The following DNAH12 variants were observed in gnomAD, a reference collection of about 807,000 sequenced individuals.
DNAH12 encodes dynein axonemal heavy chain 12.
In DNAH12, 285 loss-of-function variants were observed where a neutral mutation model predicts 371.5. That is an observed-to-expected ratio of 0.77 (90% CI 0.70 to 0.85). The LOEUF is 0.85. Ranked by LOEUF, DNAH12 falls within the 40% of genes least tolerant of loss-of-function variation. DNAH12 has a pLI of 0.00. For synonymous variants in DNAH12, 1,200 were observed against 1,213.0 expected (o/e 0.99, Z 0.22); for missense variants, 3,611 against 3,689.4 (o/e 0.98, Z 0.55).
At chr3:57,529,476 G>A (rs1048049044) in intron 2 of DNAH12, among the ~76,000 whole-genome samples, 3 of 152,076 alleles carry the variant, frequency 2.0e-5, no homozygotes, top group Admixed American at 6.6e-5. Context: ...GGTTGTATTT[G>A]TCTACAAATG....
chr3:57,382,214 A>T (rs2063407546), intron 50 of DNAH12, 48 bp downstream of exon 50: 1 of 152,168 alleles, frequency 6.6e-6, no homozygotes, highest in African/African-American at 2.4e-5. Context: ...GCTGCTGACA[A>T]GTTCTATACA....
chr3:57,459,872 A>C (rs376950262), intron 19 of DNAH12, 86 bp from the exon 20 acceptor site: 12 of 1,108,860 alleles, frequency 1.1e-5, no homozygotes, highest in Non-Finnish European at 1.4e-5. Flanking sequence ...TAAATTTACT[A>C]TTATTTTTAA....
intron 65 of DNAH12, among the ~76,000 whole-genome samples, chr3:57,315,680 A>G (rs945538894): frequency 6.6e-6 from 1 of 152,048 alleles, no homozygotes; most frequent in Non-Finnish European, 1.5e-5. Flanking sequence ...CCCAGGAAGC[A>G]GGAAAGGAGT....
chr3:57,443,793 TTCTA>T (rs1030972483), intron 29 of DNAH12, among the ~76,000 whole-genome samples: 8 of 152,218 alleles, frequency 5.3e-5, no homozygotes. Context: ...CTACTTTCAT[TTCTA>T]TCTAATAAAA....
At chr3:57,367,105 A>C (rs2153333254) in intron 56 of DNAH12, among the ~76,000 whole-genome samples, 184 bp from the exon 57 acceptor site, 1 of 152,324 alleles carries the variant, frequency 6.6e-6, no homozygotes, top group African/African-American at 2.4e-5. Flanking sequence ...AGGCAAGTGG[A>C]TCACTGGAGG....
rs751061509 is a variant in DNAH12 at position 57,444,828 on chromosome 3, CA to C, written c.4426-13del. The stretch of plus-strand genomic sequence containing the variant: ...ATTGATCGAAGAAGCTAAAATTACC[CA>C]AAAAGTACAATGTTAAGTTAGTTGC... On this transcript the variant is annotated splice_polypyrimidine_tract_variant and intron_variant, in intron 28 of 73. Coordinates refer to ENST00000495027, the MANE Select transcript of DNAH12 (RefSeq NM_001366028.2). 3.9e-6 allele frequency: 6 copies of C among 1,536,900 alleles called. No homozygotes were observed. In the South Asian group the frequency reaches 7.4e-5, roughly 19 times the overall value.
intron 43 of DNAH12, among the ~76,000 whole-genome samples, chr3:57,399,561 C>A (rs1440136137): frequency 3.9e-5 from 6 of 152,100 alleles, no homozygotes; most frequent in Non-Finnish European, 8.8e-5. Flanking sequence ...CAAAAACAAC[C>A]ACAAGAAAGG....
intron 2 of DNAH12, among the ~76,000 whole-genome samples, chr3:57,537,689 T>C (rs954332350): frequency 4.0e-5 from 3 of 75,678 alleles, no homozygotes; most frequent in Middle Eastern, 4.6e-3. Context: ...TTTCTAAAAG[T>C]TTTTTTTTTT....
chr3:57,351,987 A>G (rs932328998), intron 60 of DNAH12, 98 bp downstream of exon 60: 41 of 1,259,598 alleles, frequency 3.3e-5, no homozygotes, highest in Non-Finnish European at 4.2e-5. Context: ...ACTTAAGCGA[A>G]GAAAAATATA....
At chr3:57,337,395 C>T (rs2062251414) in intron 60 of DNAH12, among the ~76,000 whole-genome samples, 1 of 152,168 alleles carries the variant, frequency 6.6e-6, no homozygotes, top group African/African-American at 2.4e-5. Flanking sequence ...CACGGTGGCT[C>T]ACGCCTGTAA....
intron 4 of DNAH12, among the ~76,000 whole-genome samples, chr3:57,518,010 C>T (rs1021910736): frequency 2.6e-5 from 4 of 152,106 alleles, no homozygotes; most frequent in Non-Finnish European, 4.4e-5. Context: ...GCCAAGATCA[C>T]TCCCCTGCAC....
At chr3:57,448,263 G>A (rs1004721021) in intron 25 of DNAH12, among the ~76,000 whole-genome samples, 4 of 152,108 alleles carry the variant, frequency 2.6e-5, no homozygotes, top group Non-Finnish European at 5.9e-5. Flanking sequence ...TCCTTCTGGT[G>A]GGTTCGTGGT....
intron 58 of DNAH12, among the ~76,000 whole-genome samples, chr3:57,358,245 C>T (rs1262505667): frequency 5.9e-5 from 9 of 152,104 alleles, no homozygotes; most frequent in African/African-American, 2.2e-4. Context: ...AGTTAGGTGG[C>T]ATTGGCATTA....
chr3:57,547,329 A>T (rs1006273273), upstream of DNAH12, among the ~76,000 whole-genome samples: 5 of 151,954 alleles, frequency 3.3e-5, no homozygotes, highest in Non-Finnish European at 5.9e-5. Context: ...CTTTAAAAAA[A>T]AATTTTATTA....
chr3:57,384,784 T>C (rs1013205551), intron 49 of DNAH12, 45 bp downstream of exon 49: 6 of 152,246 alleles, frequency 3.9e-5, no homozygotes, highest in Non-Finnish European at 7.3e-5. Flanking sequence ...CATATTCAGC[T>C]TCCCTTGGTT....
chr3:57,309,300 T>A, intron 68 of DNAH12, 46 bp from the exon 69 acceptor site: 1 of 1,418,106 alleles, frequency 7.1e-7, no homozygotes, highest in Non-Finnish European at 9.6e-7. Flanking sequence ...TCAGAATGGA[T>A]AATTAGCTTA....
intron 25 of DNAH12, among the ~76,000 whole-genome samples, chr3:57,450,703 C>T (rs2153372882): frequency 6.6e-6 from 1 of 152,274 alleles, no homozygotes; most frequent in South Asian, 2.1e-4. Context: ...TAACTGTGTC[C>T]TTGTTCAGCA....
At chr3:57,416,728 C>A (rs1022553284) in intron 37 of DNAH12, among the ~76,000 whole-genome samples, 1 of 152,028 alleles carries the variant, frequency 6.6e-6, no homozygotes, top group Non-Finnish European at 1.5e-5. Context: ...AATTCAATTA[C>A]AAACTGAAAA....
chr3:57,420,541 T>C (rs1017243848), intron 36 of DNAH12, among the ~76,000 whole-genome samples: 1 of 152,188 alleles, frequency 6.6e-6, no homozygotes, highest in Admixed American at 6.5e-5. Context: ...ATTTCCCTAC[T>C]GTCACTTTCC....
Sources: allele counts gnomAD v4.1 joint callset (sites outside exome capture counted in the v4.1 genomes callset), GRCh38; gene constraint gnomAD v4.1.1; transcripts MANE v1.5; gene names NCBI Gene and HGNC (gene_info 2026-07-23, HGNC 2026-07-21).